Variants in FABP12 observed in about 807,000 individuals in gnomAD.
FABP12 encodes fatty acid binding protein 12.
FABP12 carries 19 observed loss-of-function variants against 13.7 expected under a neutral mutation model. The observed-to-expected ratio is 1.39, with a 90% CI of 0.97 to 2.04. The LOEUF (loss-of-function observed/expected upper bound fraction) is 2.04, where lower values mean the gene tolerates loss of function less well. Among genes scored for constraint, FABP12 ranks in the 30% most tolerant of loss-of-function variants. The pLI is 0.00. For synonymous variants in FABP12, 61 were observed against 57.0 expected (o/e 1.07, Z -0.32); for missense variants, 182 against 164.2 (o/e 1.11, Z -0.59).
At chr8:81,558,177 G>A (rs1196392282) in intron 1 of FABP12, among the ~76,000 whole-genome samples, 1 of 152,138 alleles carries the variant, frequency 6.6e-6, no homozygotes, top group Non-Finnish European at 1.5e-5. Flanking sequence ...TTTTTTCCCT[G>A]GAAGGGAGAA....
intron 1 of FABP12, among the ~76,000 whole-genome samples, chr8:81,562,220 C>T (rs767628850): frequency 1.1e-4 from 17 of 152,148 alleles, no homozygotes; most frequent in Non-Finnish European, 2.4e-4. Context: ...CCAGTTCTGG[C>T]AGGATTCATC....
chr8:81,550,691 A>G (rs934605985), intron 1 of FABP12, among the ~76,000 whole-genome samples: 5 of 152,186 alleles, frequency 3.3e-5, no homozygotes, highest in African/African-American at 9.7e-5. Flanking sequence ...TAAAAGTACA[A>G]TTATTGAAAG....
intron 1 of FABP12, among the ~76,000 whole-genome samples, chr8:81,545,025 A>C (rs1485775383): frequency 6.6e-6 from 1 of 151,878 alleles, no homozygotes; most frequent in East Asian, 1.9e-4. Context: ...AGGTTGGGTA[A>C]CTCTTTTTCT....
intron 3 of FABP12, among the ~76,000 whole-genome samples, chr8:81,528,095 T>C (rs558437778): frequency 6.6e-6 from 1 of 152,276 alleles, no homozygotes; most frequent in South Asian, 2.1e-4. Context: ...GTTGTTGTTT[T>C]TGGAGATAGG....
intron 1 of FABP12, among the ~76,000 whole-genome samples, chr8:81,590,011 T>C (rs1265313983): frequency 1.3e-5 from 2 of 152,230 alleles, no homozygotes; most frequent in African/African-American, 4.8e-5. Context: ...ATTGTTCTAA[T>C]TGTGATAACA....
chr8:81,585,670 A>G (rs1810229163), intron 1 of FABP12, among the ~76,000 whole-genome samples: 1 of 152,076 alleles, frequency 6.6e-6, no homozygotes, highest in Non-Finnish European at 1.5e-5. Flanking sequence ...TGCTTTGGGT[A>G]TTATCATTTT....
chr8:81,573,060 T>A (rs972821726), intron 1 of FABP12, among the ~76,000 whole-genome samples: 1 of 152,254 alleles, frequency 6.6e-6, no homozygotes, highest in African/African-American at 2.4e-5. Flanking sequence ...AATATTATCT[T>A]CTAGAATTTT....
At chr8:81,560,016 C>T (rs1809694247) in intron 1 of FABP12, among the ~76,000 whole-genome samples, 1 of 152,182 alleles carries the variant, frequency 6.6e-6, no homozygotes, top group African/African-American at 2.4e-5. Flanking sequence ...CTTCCATCCT[C>T]ATCCCCAGCC....
chr8:81,529,575 C>T, exon 3 of FABP12: 1 of 1,613,810 alleles, frequency 6.2e-7, no homozygotes, highest in South Asian at 1.1e-5. Flanking sequence ...GTGGGTTTTG[C>T]CAAACGGCCC....
intron 1 of FABP12, among the ~76,000 whole-genome samples, chr8:81,560,363 T>C (rs1809702991): frequency 6.6e-6 from 1 of 152,238 alleles, no homozygotes; most frequent in Admixed American, 6.5e-5. Flanking sequence ...AAAGCTCTAA[T>C]TTACAAATTG....
chr8:81,552,773 A>G (rs1014809463), intron 1 of FABP12, among the ~76,000 whole-genome samples: 2 of 152,166 alleles, frequency 1.3e-5, no homozygotes, highest in African/African-American at 4.8e-5. Context: ...TATTTGAAGA[A>G]TTGATTGGAT....
chr8:81,530,571 T>A (rs1395431478), intron 2 of FABP12, among the ~76,000 whole-genome samples: 2 of 152,202 alleles, frequency 1.3e-5, no homozygotes, highest in Non-Finnish European at 2.9e-5. Flanking sequence ...GTTCATGGAA[T>A]TCATATCATA....
At chr8:81,569,180 A>C (rs1266165753) in intron 1 of FABP12, among the ~76,000 whole-genome samples, 2 of 152,220 alleles carry the variant, frequency 1.3e-5, no homozygotes, top group South Asian at 2.1e-4. Context: ...TGATGTAATA[A>C]TTATACATTG....
At chr8:81,569,180 AT>A (rs1412029656) in intron 1 of FABP12, among the ~76,000 whole-genome samples, 1 of 152,220 alleles carries the variant, frequency 6.6e-6, no homozygotes, top group Admixed American at 6.5e-5. Flanking sequence ...TGATGTAATA[AT>A]TATACATTGT....
chr8:81,527,367 T>C (rs1275313046), intron 3 of FABP12, among the ~76,000 whole-genome samples: 1 of 152,116 alleles, frequency 6.6e-6, no homozygotes, highest in African/African-American at 2.4e-5. Flanking sequence ...GTTCTTTCTT[T>C]TTCTTTTTTT....
intron 1 of FABP12, among the ~76,000 whole-genome samples, chr8:81,575,821 G>C (rs1810034788): frequency 6.6e-6 from 1 of 152,044 alleles, no homozygotes; most frequent in Non-Finnish European, 1.5e-5. Context: ...GATTCTCATG[G>C]GAGCCTGAAC....
At chr8:81,574,026 G>T (rs1390239673) in intron 1 of FABP12, among the ~76,000 whole-genome samples, 5 of 152,100 alleles carry the variant, frequency 3.3e-5, no homozygotes, top group African/African-American at 1.2e-4. Flanking sequence ...TCCTTGTCTT[G>T]TTCCAGTTCT....
intron 1 of FABP12, among the ~76,000 whole-genome samples, chr8:81,576,823 G>C (rs945567217): frequency 1.3e-5 from 2 of 152,074 alleles, no homozygotes; most frequent in African/African-American, 4.8e-5. Context: ...TACATCAGTA[G>C]GCCATCCAGG....
At chr8:81,534,097 A>T (rs1300727362), upstream of FABP12, among the ~76,000 whole-genome samples, 2 of 152,014 alleles carry the variant, frequency 1.3e-5, no homozygotes, top group African/African-American at 4.8e-5. Context: ...ACCCACACAC[A>T]TACATACACA....
Sources: allele counts gnomAD v4.1 joint callset (sites outside exome capture counted in the v4.1 genomes callset), GRCh38; gene constraint gnomAD v4.1.1; transcripts MANE v1.5; gene names NCBI Gene and HGNC (gene_info 2026-07-23, HGNC 2026-07-21).